Variants in TRPC5 observed in about 807,000 individuals in gnomAD.
TRPC5 encodes the protein short transient receptor potential channel 5.
In TRPC5, 9 loss-of-function variants were observed where a neutral mutation model predicts 56.5. The observed-to-expected ratio is 0.16, with a 90% CI of 0.10 to 0.28. TRPC5 has a LOEUF of 0.28. TRPC5 is among the 10% of genes least tolerant of loss of function. The probability of loss-of-function intolerance (pLI) is 1.00; values close to 1 mark genes in which losing one functional copy is unlikely to be tolerated. For missense variants in TRPC5, 469 were observed against 748.9 expected (o/e 0.63, Z 4.36); for synonymous variants, 282 against 278.5 (o/e 1.01, Z -0.13).
intron 7 of TRPC5, among the ~76,000 whole-genome samples, chrX:111,785,397 C>T (rs1486586713): frequency 1.8e-5 from 2 of 111,452 alleles, no homozygotes; most frequent in Non-Finnish European, 3.8e-5. Context: ...ATACCAAAAC[C>T]CCATCTGTAG....
intron 1 of TRPC5, among the ~76,000 whole-genome samples, chrX:112,028,125 C>T (rs1312621065): frequency 9.0e-6 from 1 of 111,482 alleles, no homozygotes; most frequent in Non-Finnish European, 1.9e-5. Context: ...TATTGTTGGC[C>T]TGAATAATTA....
In TRPC5 at chrX:112,072,592, A is replaced by G. The variant is rs146728094; in HGVS notation, c.-22+9287T>C. Among the ~76,000 whole-genome samples, 20 of 111,510 alleles carry G rather than the reference A, an allele frequency of 1.8e-4. No homozygotes were observed. In the East Asian group the frequency reaches 4.8e-3, roughly 27 times the overall value. On this transcript the variant is annotated intron_variant, in intron 1 of 10. Transcript: ENST00000262839. ...CACCCTAACCTGCTATTTTTCTTCT[A>G]TCACTTTATTCTTGTTAAAAGCATC... is the stretch of plus-strand genomic sequence containing the variant.
intron 7 of TRPC5, among the ~76,000 whole-genome samples, chrX:111,802,889 A>C (rs746774926): frequency 9.1e-6 from 1 of 110,495 alleles, no homozygotes; most frequent in Non-Finnish European, 1.9e-5. Context: ...ATTATACTTT[A>C]AGTTCTAGGG....
intron 1 of TRPC5, among the ~76,000 whole-genome samples, chrX:112,041,821 T>C (rs1929899943): frequency 8.9e-6 from 1 of 112,223 alleles, no homozygotes; most frequent in African/African-American, 3.2e-5. Context: ...CTATTTTTTT[T>C]CCACAGGTAA....
At chrX:111,854,588 T>C (rs964815917) in intron 3 of TRPC5, among the ~76,000 whole-genome samples, 38 of 111,827 alleles carry the variant, frequency 3.4e-4, no homozygotes, top group Non-Finnish European at 6.0e-4. Context: ...CAGAGAATCA[T>C]GGAGATATTT....
At chrX:112,061,288 T>A (rs1216608067) in intron 1 of TRPC5, among the ~76,000 whole-genome samples, 1 of 111,964 alleles carries the variant, frequency 8.9e-6, no homozygotes, top group African/African-American at 3.3e-5. Context: ...CTACTGAACA[T>A]CAGCATTCAG....
chrX:111,897,009 G>C (rs138841206), intron 3 of TRPC5, among the ~76,000 whole-genome samples: 15 of 112,085 alleles, frequency 1.3e-4, no homozygotes, highest in Non-Finnish European at 1.9e-4. Flanking sequence ...TTTGCTTTCT[G>C]ATGGTTTAGC....
intron 1 of TRPC5, among the ~76,000 whole-genome samples, chrX:112,034,325 T>G (rs751247814): frequency 2.7e-5 from 3 of 110,352 alleles, no homozygotes; most frequent in Admixed American, 9.7e-5. Context: ...TGTTTTTTTT[T>G]TTTTTAGTTT....
intron 3 of TRPC5, among the ~76,000 whole-genome samples, chrX:111,888,693 CAAAAAAAAAAAAAA>C (rs753735549): frequency 6.4e-4 from 7 of 10,985 alleles, no homozygotes; most frequent in East Asian, 3.5e-3. Flanking sequence ...GACTCTATCT[CAAAAAAAAAAAAAA>C]AAAAAAAAAA....
intron 1 of TRPC5, among the ~76,000 whole-genome samples, chrX:112,074,961 CCT>C (rs1930801481): frequency 8.9e-6 from 1 of 112,229 alleles, no homozygotes; most frequent in Non-Finnish European, 1.9e-5. Context: ...ATGTGAAAAT[CCT>C]CTCTTTTGCA....
intron 3 of TRPC5, among the ~76,000 whole-genome samples, chrX:111,906,082 C>T (rs776393309): frequency 4.5e-5 from 5 of 110,655 alleles, no homozygotes; most frequent in East Asian, 5.7e-4. Context: ...AGGCCGGGCG[C>T]GGTGGCTCAC....
intron 1 of TRPC5, among the ~76,000 whole-genome samples, chrX:112,003,534 C>T (rs1300409937): frequency 1.8e-5 from 2 of 110,143 alleles, no homozygotes; most frequent in African/African-American, 6.6e-5. Context: ...AATGTGAGTG[C>T]CATTGGCTTT....
intron 1 of TRPC5, among the ~76,000 whole-genome samples, chrX:112,038,678 T>A (rs931859505): frequency 3.6e-5 from 4 of 110,552 alleles, no homozygotes; most frequent in East Asian, 2.8e-4. Context: ...GCCTCACTTT[T>A]TTTTTATTTT....
chrX:111,879,813 A>T (rs921890356), intron 3 of TRPC5, among the ~76,000 whole-genome samples: 2 of 112,486 alleles, frequency 1.8e-5, no homozygotes, highest in African/African-American at 6.4e-5. Context: ...ACAAGGTGAC[A>T]AGAGCTGAGA....
At chrX:111,989,910 T>G (rs1431741872) in intron 1 of TRPC5, among the ~76,000 whole-genome samples, 1 of 112,344 alleles carries the variant, frequency 8.9e-6, no homozygotes, top group Non-Finnish European at 1.9e-5. Context: ...TGTAAGAAAA[T>G]TCAGAAACCA....
intron 7 of TRPC5, among the ~76,000 whole-genome samples, chrX:111,820,937 G>T (rs1488040723): frequency 1.8e-5 from 2 of 111,531 alleles, no homozygotes; most frequent in East Asian, 5.6e-4. Flanking sequence ...GGTATTAAGA[G>T]AAAAACCCTG....
chrX:111,804,917 T>G (rs1921450087), intron 7 of TRPC5, among the ~76,000 whole-genome samples: 1 of 112,080 alleles, frequency 8.9e-6, no homozygotes. Flanking sequence ...AGGGCATCCT[T>G]GTCTTGTGCC....
chrX:111,975,338 A>C (rs181052531), intron 1 of TRPC5, among the ~76,000 whole-genome samples: 60 of 108,011 alleles, frequency 5.6e-4, no homozygotes, highest in African/African-American at 1.8e-3. Context: ...AAAAAAAAAA[A>C]CAGCAGCAAC....
Position 111,820,930 on chromosome X carries a change from A to G in TRPC5, c.1896+13991T>C, listed in dbSNP as rs151004598. Reference sequence around the variant, plus strand: ...CTGTATGAAACATATGAAATAAGGTATTAAGAGAAAAACCCTGTGGTATAA... The same window carrying G: ...CTGTATGAAACATATGAAATAAGGTGTTAAGAGAAAAACCCTGTGGTATAA... On this transcript the variant is annotated intron_variant, in intron 7 of 10. Transcript: ENST00000262839. 4.7e-3 allele frequency among the ~76,000 whole-genome samples: 525 copies of G among 111,890 alleles called. 3 individuals carry two copies. Among genetic ancestry groups the G allele is most frequent in the African/African-American group, 0.016 (504 of 30,800 alleles).
Sources: allele counts gnomAD v4.1 joint callset (sites outside exome capture counted in the v4.1 genomes callset), GRCh38; gene constraint gnomAD v4.1.1; transcripts MANE v1.5; gene names NCBI Gene and HGNC (gene_info 2026-07-23, HGNC 2026-07-21).